ATP2B2: variants seen among roughly 807,000 people sequenced by gnomAD.
ATP2B2 encodes plasma membrane calcium-transporting ATPase 2.
In ATP2B2, 15 loss-of-function variants were observed where a neutral mutation model predicts 120.0. The observed-to-expected ratio is 0.12, with a 90% CI of 0.08 to 0.19. The LOEUF is 0.19. Among genes scored for constraint, ATP2B2 ranks in the 10% least tolerant of loss-of-function variants. ATP2B2 has a pLI of 1.00. For synonymous variants in ATP2B2, 694 were observed against 700.3 expected, an observed-to-expected ratio of 0.99 and a Z score of 0.14; for missense variants, 1,045 against 1,719.8, an observed-to-expected ratio of 0.61 and a Z score of 6.94.
At chr3:10,359,824 C>T in intron 13 of ATP2B2, 58 bp downstream of exon 13, 4 of 1,611,582 alleles carry the variant, frequency 2.5e-6, no homozygotes, top group African/African-American at 2.7e-5. Context: ...ACCCTGACAT[C>T]CCCAGCTCCC....
rs114809690 is a variant in ATP2B2, at chr3:10,532,757, C to A, written c.-320+1282G>T. 3.8e-3 allele frequency among the ~76,000 whole-genome samples: 578 copies of A among 152,308 alleles called. 2 individuals carry two copies. Among genetic ancestry groups the A allele is most frequent in the Non-Finnish European group, 6.7e-3 (454 of 68,014 alleles). The stretch of plus-strand genomic sequence containing the variant: ...AAGAGGTCTGGGTGGTGTCTGAAGG[C>A]TGAACAGGGAGGCATGTGGCCCATC... On this transcript the variant is annotated intron_variant, in intron 3 of 21. Coordinates refer to the ATP2B2 transcript ENST00000646379.
Position 10,329,196 on chromosome 3 carries a change from G to A in ATP2B2, c.3421-71C>T, listed in dbSNP as rs2059916145. 7.5e-7 allele frequency: 1 copy of A among 1,337,504 alleles called. No individual in the cohort carries two copies. Among genetic ancestry groups the A allele is most frequent in the South Asian group, 1.2e-5 (1 of 85,782 alleles). The allele number at this position is 1,337,504 out of a possible 1,614,324, so 82.9% of individuals were successfully genotyped here. On this transcript the variant is annotated intron_variant, in intron 22 of 22. Coordinates refer to ENST00000360273, the MANE Select transcript of ATP2B2 (RefSeq NM_001001331.4). The surrounding 1 kb of genome is among the most constrained non-coding windows in gnomAD (Gnocchi z 5.9). Reference sequence around the variant, plus strand: ...GCCAGGCTCGGGGGGCTCACAGGAGGGGCGGGTGGGAGAAGGGTTAGGGCA... The same window carrying A: ...GCCAGGCTCGGGGGGCTCACAGGAGAGGCGGGTGGGAGAAGGGTTAGGGCA...
chr3:10,443,736 G>A (rs536869346), intron 2 of ATP2B2, among the ~76,000 whole-genome samples: 7 of 152,316 alleles, frequency 4.6e-5, no homozygotes, highest in Admixed American at 3.3e-4. Context: ...AACTCCTTTT[G>A]TGCATAAGCC....
intron 3 of ATP2B2, among the ~76,000 whole-genome samples, chr3:10,526,099 T>C (rs1277030501): frequency 6.6e-6 from 1 of 152,192 alleles, no homozygotes; most frequent in Non-Finnish European, 1.5e-5. Context: ...TGATGAGGAT[T>C]ATTGTGTGTG....
At chr3:10,499,802 C>CTG (rs1398680212) in intron 1 of ATP2B2, among the ~76,000 whole-genome samples, 1 of 152,174 alleles carries the variant, frequency 6.6e-6, no homozygotes, top group Non-Finnish European at 1.5e-5. Flanking sequence ...GGATTCCTAG[C>CTG]TGTGGGCCCT....
chr3:10,683,083 C>T (rs1051643631), intron 1 of ATP2B2, among the ~76,000 whole-genome samples: 1 of 151,988 alleles, frequency 6.6e-6, no homozygotes, highest in African/African-American at 2.4e-5. Flanking sequence ...ACTTCACCTC[C>T]ATTATCTCAT....
chr3:10,562,399 G>A (rs1406348479), intron 2 of ATP2B2, among the ~76,000 whole-genome samples: 1 of 152,164 alleles, frequency 6.6e-6, no homozygotes. Context: ...CTCCTAAGTG[G>A]TATGTTCTCA....
chr3:10,497,806 A>G (rs960533618), intron 1 of ATP2B2, among the ~76,000 whole-genome samples: 2 of 152,192 alleles, frequency 1.3e-5, no homozygotes, highest in Admixed American at 6.5e-5. Context: ...CACGTAATAC[A>G]CACAAAAGTT....
intron 3 of ATP2B2, among the ~76,000 whole-genome samples, chr3:10,523,627 C>A (rs2067028860): frequency 6.6e-6 from 1 of 152,222 alleles, no homozygotes; most frequent in Non-Finnish European, 1.5e-5. Context: ...CAAATGGTGT[C>A]TGGCTAACCT....
chr3:10,340,663 G>A lies in ATP2B2; in HGVS notation c.2959C>T (p.Leu987=). The A allele has an allele frequency of 6.2e-7, 1 of 1,614,256 alleles. No homozygotes were observed. The highest frequency in any genetic ancestry group is 1.1e-5 in the South Asian group (1 of 91,088). The change falls in exon 20 of 23, where the codon CTG becomes TTG. Residue 987 remains leucine, a synonymous_variant. Transcript: ENST00000360273. The surrounding 1 kb of genome is among the most constrained non-coding windows in gnomAD (Gnocchi z 5.0). ...FQIDSGRNAP[L]HSPPSEHYTI... ...TAATGTTCTGAGGGTGGCGAATGCA[G>A]GGGCGCGTTCCTCCCGCTGTCGATC...
chr3:10,459,074 A>G (rs1269333320), intron 1 of ATP2B2, among the ~76,000 whole-genome samples: 1 of 152,192 alleles, frequency 6.6e-6, no homozygotes, highest in East Asian at 1.9e-4. Flanking sequence ...TGGACATCCC[A>G]GTTGCAGGTC....
intron 1 of ATP2B2, among the ~76,000 whole-genome samples, chr3:10,684,949 G>A (rs1001017086): frequency 2.6e-5 from 4 of 152,194 alleles, no homozygotes; most frequent in Non-Finnish European, 4.4e-5. Flanking sequence ...GGTCAGAGGG[G>A]ACAGGGACAA....
chr3:10,458,183 C>A lies in ATP2B2; in HGVS notation c.-319-8321G>T, dbSNP rs138645376. On this transcript the variant is annotated intron_variant, in intron 1 of 22. Coordinates refer to ENST00000360273, the MANE Select transcript of ATP2B2 (RefSeq NM_001001331.4). ...CCATCCATCTGTTCATCCACCTACC[C>A]AATAAAACTAATGAGCTGCATCACA... is the stretch of plus-strand genomic sequence containing the variant. Among the ~76,000 whole-genome samples, 359 of 152,224 alleles carry A rather than the reference C, an allele frequency of 2.4e-3. 2 individuals carry two copies. The highest frequency in any genetic ancestry group is 5.9e-3 in the Admixed American group (91 of 15,296).
intron 1 of ATP2B2, among the ~76,000 whole-genome samples, chr3:10,454,407 G>A (rs1226799975): frequency 6.6e-6 from 1 of 152,172 alleles, no homozygotes; most frequent in Non-Finnish European, 1.5e-5. Flanking sequence ...AGGTGCAGAA[G>A]GAAAACAGTG....
intron 1 of ATP2B2, among the ~76,000 whole-genome samples, chr3:10,484,685 ACT>A (rs2065564811): frequency 1.3e-5 from 2 of 152,172 alleles, no homozygotes; most frequent in Admixed American, 1.3e-4. Context: ...TTGAGCCGTA[ACT>A]CTGAGGCTGT....
intron 2 of ATP2B2, among the ~76,000 whole-genome samples, chr3:10,430,197 A>G (rs758097264): frequency 6.6e-6 from 1 of 152,232 alleles, no homozygotes; most frequent in Non-Finnish European, 1.5e-5. Flanking sequence ...CTAACACAAT[A>G]TCTATTCTGC....
chr3:10,450,724 C>T (rs2125187543), intron 1 of ATP2B2, among the ~76,000 whole-genome samples: 1 of 152,350 alleles, frequency 6.6e-6, no homozygotes, highest in African/African-American at 2.4e-5. Context: ...CTTCCCGTCC[C>T]TCTCTGGAGC....
At chr3:10,498,521 C>A (rs2066248615) in intron 1 of ATP2B2, among the ~76,000 whole-genome samples, 1 of 152,252 alleles carries the variant, frequency 6.6e-6, no homozygotes, top group African/African-American at 2.4e-5. Context: ...CTCCACAGCT[C>A]CCTTGGGCCT....
At chr3:10,400,649 G>A (rs1227791719) in intron 5 of ATP2B2, among the ~76,000 whole-genome samples, 2 of 152,220 alleles carry the variant, frequency 1.3e-5, no homozygotes, top group Non-Finnish European at 2.9e-5. Context: ...TCTGATGAGA[G>A]TGGGCTTCGG....
Sources: gnomAD v4.1 joint callset for allele counts (sites outside exome capture counted in the v4.1 genomes callset) on GRCh38, gnomAD v4.1.1 for gene constraint, Gnocchi (gnomAD v3.1) non-coding constraint, MANE v1.5 for transcripts, NCBI Gene and HGNC (gene_info 2026-07-23, HGNC 2026-07-21) for gene names.